SMAD7: variants seen among roughly 807,000 people sequenced by gnomAD.
The protein encoded by SMAD7 is MAD (mothers against decapentaplegic, Drosophila) homolog 7.
SMAD7 carries 8 observed loss-of-function variants against 38.7 expected under a neutral mutation model. The ratio of observed to expected loss-of-function variants is 0.21; its 90% CI spans 0.12 to 0.37. The LOEUF is 0.37. Ranked by LOEUF, SMAD7 falls within the 10% of genes least tolerant of loss-of-function variation. SMAD7 has a pLI of 1.00. For synonymous variants in SMAD7, 327 were observed against 265.1 expected, an observed-to-expected ratio of 1.23 and a Z score of -2.27; for missense variants, 477 against 577.9, an observed-to-expected ratio of 0.83 and a Z score of 1.79.
In SMAD7 at chr18:48,934,005, C is replaced by A. The variant is rs1381309204; in HGVS notation, c.742+8476G>T. On this transcript the variant is annotated intron_variant, in intron 3 of 3. Coordinates refer to ENST00000262158, the MANE Select transcript of SMAD7 (RefSeq NM_005904.4). ...TCTGGTCTCTGTCCTAAAGACGGCT[C>A]CTTGGCAGCACGGGCCGGGGCACTG... 2.0e-5 allele frequency among the ~76,000 whole-genome samples: 3 copies of A among 152,214 alleles called. No homozygotes were observed. In the South Asian group the frequency reaches 6.2e-4, roughly 32 times the overall value.
chr18:48,948,706 G>C lies in SMAD7; in HGVS notation c.614-269C>G, dbSNP rs1460365294. On this transcript the variant is annotated intron_variant, in intron 1 of 3. Transcript: ENST00000262158. The stretch of plus-strand genomic sequence containing the variant: ...CGGCTGGAAACCACCGGCTCGGCCG[G>C]AGCCGCGCACTTCACAGTTCACAGG... Among the ~76,000 whole-genome samples the C allele has an allele frequency of 3.3e-5, 5 of 152,352 alleles. No homozygotes were observed. In the East Asian group the frequency reaches 9.7e-4, roughly 29 times the overall value.
chr18:48,927,097 A>G (rs2069937617), intron 3 of SMAD7, among the ~76,000 whole-genome samples: 1 of 152,140 alleles, frequency 6.6e-6, no homozygotes, highest in Admixed American at 6.5e-5. Flanking sequence ...AGGAAATAGG[A>G]CCCCAGAGCT....
chr18:48,933,952 G>T (rs1011011259), intron 3 of SMAD7, among the ~76,000 whole-genome samples: 17 of 152,292 alleles, frequency 1.1e-4, no homozygotes, highest in Non-Finnish European at 2.4e-4. Context: ...TGGAGAGCGG[G>T]CCAGCCACAC....
chr18:48,932,352 TG>T (rs935741817), intron 3 of SMAD7, among the ~76,000 whole-genome samples: 1 of 152,240 alleles, frequency 6.6e-6, no homozygotes, highest in African/African-American at 2.4e-5. Context: ...TTATTGTTTT[TG>T]TTCCTGTTGA....
chr18:48,942,765 G>A lies in SMAD7; in HGVS notation c.668-210C>T, dbSNP rs549662504. On this transcript the variant is annotated intron_variant, in intron 2 of 3. Coordinates refer to ENST00000262158, the MANE Select transcript of SMAD7 (RefSeq NM_005904.4). Reference sequence around the variant, plus strand: ...GCACCTTGTCACCCGTCTGGGCTCCGGGCAGCCAGTTAATCATTACTCGAG... The same window carrying A: ...GCACCTTGTCACCCGTCTGGGCTCCAGGCAGCCAGTTAATCATTACTCGAG... The A allele has an allele frequency of 2.4e-3, 3,439 of 1,411,910 alleles. 6 individuals are homozygous for A. Among genetic ancestry groups the A allele is most frequent in the Middle Eastern group, 3.4e-3 (19 of 5,526 alleles). 87.5% of individuals were successfully genotyped at this position (1,411,910 alleles called of 1,614,324 possible).
At chr18:48,944,225 G>A (rs951123250) in intron 2 of SMAD7, among the ~76,000 whole-genome samples, 1 of 152,120 alleles carries the variant, frequency 6.6e-6, no homozygotes, top group Admixed American at 6.5e-5. Flanking sequence ...CCTCCCAGAT[G>A]GAAGACACCC....
In SMAD7 at chr18:48,942,355, A is replaced by C. The variant is rs2070150201; in HGVS notation, c.742+126T>G. The C allele has an allele frequency of 4.4e-6, 3 of 680,252 alleles. No homozygotes were observed. In the South Asian group the frequency reaches 5.6e-5, roughly 13 times the overall value. 42.1% of individuals were successfully genotyped at this position (680,252 alleles called of 1,614,324 possible). A position where few individuals can be genotyped will look rare whatever the true frequency, so the allele number is the denominator to read the frequency against. ...TGTCACCACCGATGCATCCAACTTAAGGCATATAAAAATGAGAATGAAGTC... is the reference window on the plus strand; with the variant it reads ...TGTCACCACCGATGCATCCAACTTACGGCATATAAAAATGAGAATGAAGTC... On this transcript the variant is annotated intron_variant, in intron 3 of 3. Transcript: ENST00000262158.
intron 3 of SMAD7, among the ~76,000 whole-genome samples, chr18:48,939,567 C>T (rs2070112984): frequency 6.6e-6 from 1 of 151,488 alleles, no homozygotes; most frequent in Non-Finnish European, 1.5e-5. Flanking sequence ...GCACACCCCA[C>T]CCCCACCTCC....
rs1262731985 is a variant in SMAD7, at chr18:48,950,952, G to C, written c.-528C>G. 6.6e-6 allele frequency among the ~76,000 whole-genome samples: 1 copy of C among 151,310 alleles called. No individual in the cohort carries two copies. Among genetic ancestry groups the C allele is most frequent in the Non-Finnish European group, 1.5e-5 (1 of 67,862 alleles). ...CTAAGCAACTTAATTTGGGGGTGGGGAGAAGCAGGCAATTAAAAAAAAAAA... is the reference window on the plus strand; with the variant it reads ...CTAAGCAACTTAATTTGGGGGTGGGCAGAAGCAGGCAATTAAAAAAAAAAA... On this transcript the variant is annotated 5_prime_UTR_variant, in exon 1 of 4. Transcript: ENST00000262158.
intron 3 of SMAD7, among the ~76,000 whole-genome samples, chr18:48,936,117 C>CA (rs1211505658): frequency 0.14 from 1,954 of 14,210 alleles, 124 homozygotes; most frequent in East Asian, 0.41. Flanking sequence ...CACACACACA[C>CA]CACACACACA....
Position 48,949,993 on chromosome 18 carries a change from C to A in SMAD7, c.432G>T (p.Ala144=), listed in dbSNP as rs775785416. 2 of 1,585,952 alleles carry A rather than the reference C, an allele frequency of 1.3e-6. No homozygotes were observed. The highest frequency in any genetic ancestry group is 1.7e-6 in the Non-Finnish European group (2 of 1,167,396). Reference sequence around the variant, plus strand: ...AGGACGAGGGCGGCTGCGCAGGCTGCGCGCCGGCGGGCGCCCCCGGGCCCA... The same window carrying A: ...AGGACGAGGGCGGCTGCGCAGGCTGAGCGCCGGCGGGCGCCCCCGGGCCCA... ...CRLGPGAPAG[A]QPAQPPSSYS... The change falls in exon 1 of 4, where the codon GCG becomes GCT. Residue 144 remains alanine, a synonymous_variant. Coordinates refer to ENST00000262158, the MANE Select transcript of SMAD7 (RefSeq NM_005904.4).
In SMAD7 at chr18:48,920,088, GTAA is replaced by G. The variant is rs1187627902; in HGVS notation, c.*1281_*1283del. 6.6e-6 allele frequency: 1 copy of G among 151,998 alleles called. No individual in the cohort carries two copies. The highest frequency in any genetic ancestry group is 2.4e-5 in the African/African-American group (1 of 41,270). 9.4% of individuals were successfully genotyped at this position (151,998 alleles called of 1,614,324 possible). A position where few individuals can be genotyped will look rare whatever the true frequency, so the allele number is the denominator to read the frequency against. ...TTATAAAACGTCTTTATATTTACAA[GTAA>G]TAATATATTTATATATAACATAAAA... is the stretch of plus-strand genomic sequence containing the variant. On this transcript the variant is annotated 3_prime_UTR_variant, in exon 4 of 4. Coordinates refer to ENST00000262158, the MANE Select transcript of SMAD7 (RefSeq NM_005904.4).
At chr18:48,945,492 C>T (rs2070185422) in intron 2 of SMAD7, among the ~76,000 whole-genome samples, 1 of 152,106 alleles carries the variant, frequency 6.6e-6, no homozygotes, top group Non-Finnish European at 1.5e-5. Flanking sequence ...GCATCGGAAT[C>T]CTCAAATTTC....
intron 3 of SMAD7, among the ~76,000 whole-genome samples, chr18:48,924,842 C>T (rs1272065373): frequency 6.6e-5 from 10 of 152,212 alleles, no homozygotes; most frequent in Non-Finnish European, 1.2e-4. Flanking sequence ...CAGCAAAGGC[C>T]CCTCGAACAC....
intron 1 of SMAD7, 30 bp downstream of exon 1, chr18:48,949,782 A>G: frequency 1.3e-6 from 2 of 1,554,282 alleles, no homozygotes; most frequent in Non-Finnish European, 1.7e-6. Context: ...CGCTCCGGAA[A>G]ATGTTGGGGG....
intron 3 of SMAD7, among the ~76,000 whole-genome samples, chr18:48,928,115 T>TA (rs1223634363): frequency 1.3e-5 from 2 of 152,238 alleles, no homozygotes; most frequent in African/African-American, 4.8e-5. Flanking sequence ...TGGGGGGTGA[T>TA]ACGGCTTTTT....
At chr18:48,926,823 T>C (rs918266650) in intron 3 of SMAD7, among the ~76,000 whole-genome samples, 13 of 152,130 alleles carry the variant, frequency 8.5e-5, no homozygotes, top group African/African-American at 3.1e-4. Context: ...CATCCCCTGC[T>C]CCCAACCCTG....
intron 3 of SMAD7, among the ~76,000 whole-genome samples, chr18:48,930,449 G>A (rs533088656): frequency 6.6e-6 from 1 of 152,168 alleles, no homozygotes; most frequent in Non-Finnish European, 1.5e-5. Flanking sequence ...AGAAGCTGCT[G>A]TCACAAGGCC....
intron 2 of SMAD7, 72 bp from the exon 3 acceptor site, chr18:48,942,627 G>A (rs750124369): frequency 1.2e-5 from 19 of 1,605,078 alleles, no homozygotes; most frequent in East Asian, 2.2e-5. Context: ...CTTTAAGCAC[G>A]CTCTAAACAG....
Sources: allele counts gnomAD v4.1 joint callset (sites outside exome capture counted in the v4.1 genomes callset), GRCh38; gene constraint gnomAD v4.1.1; transcripts MANE v1.5; gene names NCBI Gene and HGNC (gene_info 2026-07-23, HGNC 2026-07-21).